Variants in FARS2 observed in about 807,000 individuals in gnomAD.
The protein encoded by FARS2 is phenylalanyl-tRNA synthetase 2, mitochondrial.
FARS2 carries 40 observed loss-of-function variants against 46.4 expected under a neutral mutation model. The observed-to-expected ratio is 0.86, with a 90% CI of 0.67 to 1.12. The LOEUF (loss-of-function observed/expected upper bound fraction) is 1.12, where lower values mean the gene tolerates loss of function less well. FARS2 is among the 50% of genes most tolerant of loss of function. The pLI is 0.00. For missense variants in FARS2, 513 were observed against 567.9 expected (o/e 0.90, Z 0.98); for synonymous variants, 234 against 214.9 (o/e 1.09, Z -0.78).
intron 2 of FARS2, among the ~76,000 whole-genome samples, chr6:5,389,571 C>T (rs187050328): frequency 6.6e-6 from 1 of 152,230 alleles, no homozygotes; most frequent in Admixed American, 6.5e-5. Flanking sequence ...GTGGTGTATC[C>T]CATCAGACTT....
chr6:5,272,877 T>C (rs1454419297), intron 1 of FARS2, among the ~76,000 whole-genome samples: 1 of 152,196 alleles, frequency 6.6e-6, no homozygotes, highest in Non-Finnish European at 1.5e-5. Flanking sequence ...ATTCACTTTT[T>C]TAGCTCCGAC....
chr6:5,451,440 G>A (rs1764485720), intron 4 of FARS2, among the ~76,000 whole-genome samples: 1 of 152,156 alleles, frequency 6.6e-6, no homozygotes, highest in Non-Finnish European at 1.5e-5. Context: ...GTATGTCAAG[G>A]TGATGGTTCT....
chr6:5,545,896 G>C (rs1770949508), intron 5 of FARS2, among the ~76,000 whole-genome samples: 1 of 152,194 alleles, frequency 6.6e-6, no homozygotes, highest in East Asian at 1.9e-4. Flanking sequence ...GGGAGGCCAA[G>C]ACGGGTGGAT....
chr6:5,317,806 C>G (rs1218041408), intron 1 of FARS2, among the ~76,000 whole-genome samples: 1 of 151,560 alleles, frequency 6.6e-6, no homozygotes, highest in Non-Finnish European at 1.5e-5. Context: ...AAAATTAATA[C>G]CAGCCAAACA....
At chr6:5,323,557 T>G (rs1021289566) in intron 1 of FARS2, among the ~76,000 whole-genome samples, 3 of 152,190 alleles carry the variant, frequency 2.0e-5, no homozygotes, top group African/African-American at 7.2e-5. Context: ...TGAGTTTCTG[T>G]TAAAATATGA....
chr6:5,621,361 G>T (rs1047282368), intron 6 of FARS2, among the ~76,000 whole-genome samples: 4 of 152,000 alleles, frequency 2.6e-5, no homozygotes, highest in African/African-American at 7.3e-5. Context: ...AAAATGTTGG[G>T]ATTACAGGTG....
chr6:5,506,158 C>T (rs1208720615), intron 4 of FARS2, among the ~76,000 whole-genome samples: 14 of 152,158 alleles, frequency 9.2e-5, no homozygotes, highest in African/African-American at 3.4e-4. Context: ...CAGTGGAGAG[C>T]AGGGCAAGAA....
chr6:5,699,735 A>T (rs1224247303), intron 6 of FARS2, among the ~76,000 whole-genome samples: 1 of 152,130 alleles, frequency 6.6e-6, no homozygotes, highest in East Asian at 1.9e-4. Context: ...TCGAGATTTC[A>T]TACATTAAAG....
intron 6 of FARS2, among the ~76,000 whole-genome samples, chr6:5,716,517 A>G (rs1016131856): frequency 1.3e-5 from 2 of 152,210 alleles, no homozygotes; most frequent in African/African-American, 4.8e-5. Context: ...CTCCCCGCCA[A>G]CAAGCAAGCA....
intron 3 of FARS2, among the ~76,000 whole-genome samples, chr6:5,406,756 C>T (rs570691243): frequency 4.0e-5 from 6 of 151,094 alleles, no homozygotes; most frequent in South Asian, 4.2e-4. Context: ...CTGGGTCGTA[C>T]GTTTTCACTC....
intron 5 of FARS2, among the ~76,000 whole-genome samples, chr6:5,545,621 C>T (rs888256905): frequency 6.6e-5 from 10 of 152,000 alleles, no homozygotes; most frequent in African/African-American, 1.9e-4. Flanking sequence ...CCTGCCACCC[C>T]GCAACAGGCC....
At chr6:5,610,241 G>A (rs1489583216) in intron 5 of FARS2, 31 of 503,966 alleles carry the variant, frequency 6.2e-5, no homozygotes, top group Non-Finnish European at 1.1e-4. Flanking sequence ...TTTTTCAGCA[G>A]CATCCACGAG....
chr6:5,581,718 T>C (rs1056920554), intron 5 of FARS2, among the ~76,000 whole-genome samples: 31 of 152,138 alleles, frequency 2.0e-4, no homozygotes, highest in Non-Finnish European at 3.7e-4. Flanking sequence ...ATTCCTGATG[T>C]GCTTTTCTAA....
At chr6:5,715,643 T>A (rs1186087822) in intron 6 of FARS2, among the ~76,000 whole-genome samples, 2 of 152,258 alleles carry the variant, frequency 1.3e-5, no homozygotes, top group Non-Finnish European at 2.9e-5. Context: ...TATTATAGCA[T>A]GTATCAATAT....
chr6:5,686,581 T>C (rs1279834440), intron 6 of FARS2, among the ~76,000 whole-genome samples: 2 of 152,250 alleles, frequency 1.3e-5, no homozygotes, highest in South Asian at 2.1e-4. Context: ...ATGTGCCACA[T>C]TTTCTTAATC....
intron 1 of FARS2, among the ~76,000 whole-genome samples, chr6:5,319,956 T>C (rs1769849600): frequency 6.6e-6 from 1 of 152,204 alleles, no homozygotes; most frequent in Non-Finnish European, 1.5e-5. Flanking sequence ...TGTAAAAGTT[T>C]GGAAGATTTG....
In FARS2 at chr6:5,408,701, G is replaced by A. The variant is rs111785927; in HGVS notation, c.772+4000G>A. ...GATAAATATGTAAATATGAACAAACGGAAGAAGGAAGGAAGGAAAGGAAAG... is the reference window on the plus strand; with the variant it reads ...GATAAATATGTAAATATGAACAAACAGAAGAAGGAAGGAAGGAAAGGAAAG... On this transcript the variant is annotated intron_variant, in intron 3 of 6. Coordinates refer to ENST00000274680, the MANE Select transcript of FARS2 (RefSeq NM_006567.5). Among the ~76,000 whole-genome samples, 564 of 152,166 alleles carry A rather than the reference G, an allele frequency of 3.7e-3. 4 individuals are homozygous for A. The highest frequency in any genetic ancestry group is 0.013 in the African/African-American group (535 of 41,514).
chr6:5,520,237 G>T (rs1246916943), intron 4 of FARS2, among the ~76,000 whole-genome samples: 1 of 152,054 alleles, frequency 6.6e-6, no homozygotes, highest in Non-Finnish European at 1.5e-5. Context: ...TTATTTCTAG[G>T]TTCCTGAGGC....
chr6:5,530,458 A>G (rs1467470033), intron 4 of FARS2, among the ~76,000 whole-genome samples: 2 of 152,128 alleles, frequency 1.3e-5, no homozygotes, highest in African/African-American at 4.8e-5. Flanking sequence ...CAAAAATGTC[A>G]AAATTTGAAT....
Sources: gnomAD v4.1 joint callset for allele counts (sites outside exome capture counted in the v4.1 genomes callset) on GRCh38, gnomAD v4.1.1 for gene constraint, MANE v1.5 for transcripts, NCBI Gene and HGNC (gene_info 2026-07-23, HGNC 2026-07-21) for gene names.